The following RBFOX1 variants were observed in gnomAD, a reference collection of about 807,000 sequenced individuals.
RBFOX1 encodes RNA binding protein fox-1 homolog 1.
Under a neutral mutation model 57.7 loss-of-function variants are expected in RBFOX1, and 8 were observed. That is an observed-to-expected ratio of 0.14 (90% CI 0.08 to 0.25). The LOEUF (loss-of-function observed/expected upper bound fraction) is 0.25, where lower values mean the gene tolerates loss of function less well. RBFOX1 is among the 10% of genes least tolerant of loss of function. The pLI is 1.00. For missense variants in RBFOX1, 611 were observed against 548.5 expected (o/e 1.11, Z -1.14); for synonymous variants, 326 against 222.4 (o/e 1.47, Z -4.15).
chr16:5,938,144 C>G (rs191132971), intron 4 of RBFOX1, among the ~76,000 whole-genome samples: 1 of 152,142 alleles, frequency 6.6e-6, no homozygotes, highest in Non-Finnish European at 1.5e-5. Flanking sequence ...TGCTTCCGTA[C>G]TTTACACAGA....
chr16:7,135,242 G>T (rs748452303), intron 4 of RBFOX1, among the ~76,000 whole-genome samples: 1 of 151,990 alleles, frequency 6.6e-6, no homozygotes, highest in African/African-American at 2.4e-5. Context: ...GAATTTTTTT[G>T]TTGTTGCTGT....
chr16:7,428,256 A>T (rs17672240), intron 4 of RBFOX1, among the ~76,000 whole-genome samples: 21,789 of 150,934 alleles, frequency 0.14, 2,072 homozygotes, highest in East Asian at 0.34. Context: ...GCATATCGTC[A>T]CTGCAGTCAA....
intron 4 of RBFOX1, among the ~76,000 whole-genome samples, chr16:7,469,607 C>T (rs1452906582): frequency 6.6e-6 from 1 of 152,132 alleles, no homozygotes; most frequent in African/African-American, 2.4e-5. Context: ...GCCCTGAGTT[C>T]CCATGCACCC....
At chr16:7,402,487 T>C (rs929960552) in intron 4 of RBFOX1, among the ~76,000 whole-genome samples, 2 of 152,198 alleles carry the variant, frequency 1.3e-5, no homozygotes, top group Admixed American at 1.3e-4. Flanking sequence ...TGCCGAGAGA[T>C]AGGAGAAAAT....
At chr16:5,927,407 C>A (rs916469637) in intron 4 of RBFOX1, among the ~76,000 whole-genome samples, 1 of 152,158 alleles carries the variant, frequency 6.6e-6, no homozygotes, top group Non-Finnish European at 1.5e-5. Flanking sequence ...TACGAGTGAT[C>A]TAAAGTCATT....
chr16:5,804,082 G>C (rs73530037), intron 3 of RBFOX1, among the ~76,000 whole-genome samples: 1 of 152,098 alleles, frequency 6.6e-6, no homozygotes, highest in Non-Finnish European at 1.5e-5. Context: ...GATTACCCAA[G>C]TACATGTCTG....
At chr16:5,510,138 G>A (rs1384249800) in intron 2 of RBFOX1, among the ~76,000 whole-genome samples, 1 of 152,204 alleles carries the variant, frequency 6.6e-6, no homozygotes, top group African/African-American at 2.4e-5. Context: ...CTGTGTAACT[G>A]GGGCTGGTTA....
intron 1 of RBFOX1, among the ~76,000 whole-genome samples, chr16:5,381,286 T>A (rs2066124797): frequency 6.6e-6 from 1 of 152,224 alleles, no homozygotes; most frequent in Non-Finnish European, 1.5e-5. Flanking sequence ...GAGTCTGAAT[T>A]TTATCCTAGC....
intron 3 of RBFOX1, among the ~76,000 whole-genome samples, chr16:6,715,266 GT>G (rs34985847): frequency 0.91 from 136,937 of 149,928 alleles, 63,161 homozygotes; most frequent in Non-Finnish European, 0.97. Flanking sequence ...AAGTTTTAAA[GT>G]TTTTTTTTTT....
At chr16:6,979,479 A>G (rs74010416) in intron 3 of RBFOX1, among the ~76,000 whole-genome samples, 10 of 152,232 alleles carry the variant, frequency 6.6e-5, no homozygotes, top group Admixed American at 1.3e-4. Context: ...TTCCCCCAGT[A>G]CCTTTCTATT....
chr16:6,501,057 C>T (rs1294094369), intron 2 of RBFOX1, among the ~76,000 whole-genome samples: 1 of 151,396 alleles, frequency 6.6e-6, no homozygotes, highest in Non-Finnish European at 1.5e-5. Context: ...TGGGAGTCTG[C>T]CCCTGGACCC....
intron 2 of RBFOX1, among the ~76,000 whole-genome samples, chr16:6,436,988 A>G (rs1281631702): frequency 1.3e-5 from 2 of 152,156 alleles, no homozygotes. Context: ...TCTATTTTTG[A>G]CTTGCTATAT....
chr16:7,662,719 G>A (rs1340354917), intron 12 of RBFOX1, among the ~76,000 whole-genome samples: 1 of 152,190 alleles, frequency 6.6e-6, no homozygotes, highest in Non-Finnish European at 1.5e-5. Context: ...CTGCAGGTGG[G>A]CACCGGGTCT....
chr16:6,722,584 A>G (rs1463591619), intron 3 of RBFOX1, among the ~76,000 whole-genome samples: 1 of 152,216 alleles, frequency 6.6e-6, no homozygotes, highest in Non-Finnish European at 1.5e-5. Context: ...GAACCTACAG[A>G]CTTCTTTAGA....
At chr16:6,526,700 G>A (rs1165047292) in intron 2 of RBFOX1, among the ~76,000 whole-genome samples, 1 of 151,060 alleles carries the variant, frequency 6.6e-6, no homozygotes, top group African/African-American at 2.4e-5. Flanking sequence ...CGTGGTGGTG[G>A]GCACCTGTAG....
chr16:5,670,460 A>G (rs890638431), intron 3 of RBFOX1, among the ~76,000 whole-genome samples: 5 of 152,204 alleles, frequency 3.3e-5, no homozygotes, highest in Admixed American at 2.0e-4. Context: ...ACACCAATGT[A>G]AGTTGTGAAT....
intron 2 of RBFOX1, among the ~76,000 whole-genome samples, chr16:6,484,067 C>T (rs966793050): frequency 6.6e-6 from 1 of 152,280 alleles, no homozygotes; most frequent in Non-Finnish European, 1.5e-5. Context: ...ATTTTCTTTA[C>T]CCACTGGAAG....
chr16:6,706,426 A>C (rs568804279), intron 3 of RBFOX1, among the ~76,000 whole-genome samples: 1 of 152,242 alleles, frequency 6.6e-6, no homozygotes, highest in Non-Finnish European at 1.5e-5. Context: ...TGGCATGATA[A>C]TTAGTAGCCT....
intron 4 of RBFOX1, among the ~76,000 whole-genome samples, chr16:7,438,085 C>T (rs1344116383): frequency 2.0e-5 from 3 of 152,054 alleles, no homozygotes; most frequent in Admixed American, 2.0e-4. Flanking sequence ...GGACTTGCTC[C>T]GCGATGCTTG....
Sources: gnomAD v4.1 joint callset for allele counts (sites outside exome capture counted in the v4.1 genomes callset) on GRCh38, gnomAD v4.1.1 for gene constraint, MANE v1.5 for transcripts, NCBI Gene and HGNC (gene_info 2026-07-23, HGNC 2026-07-21) for gene names.